The following ELAVL2 variants were observed in gnomAD, a reference collection of about 807,000 sequenced individuals.
ELAVL2 encodes ELAV-like protein 2.
In ELAVL2, 4 loss-of-function variants were observed where a neutral mutation model predicts 34.6. The observed-to-expected ratio is 0.12, with a 90% CI of 0.06 to 0.26. The LOEUF is 0.26. ELAVL2 is among the 10% of genes least tolerant of loss of function. ELAVL2 has a pLI of 1.00. For missense variants in ELAVL2, 432 were observed against 442.8 expected (o/e 0.98, Z 0.22); for synonymous variants, 193 against 154.8 (o/e 1.25, Z -1.83).
At chr9:23,798,055 C>T (rs1353226472) in intron 1 of ELAVL2, among the ~76,000 whole-genome samples, 1 of 152,150 alleles carries the variant, frequency 6.6e-6, no homozygotes, top group Non-Finnish European at 1.5e-5. Flanking sequence ...GAAGGGAGAA[C>T]TCTGAATGCC....
At chr9:23,765,254 C>T (rs62541663) in intron 1 of ELAVL2, among the ~76,000 whole-genome samples, 93 of 152,200 alleles carry the variant, frequency 6.1e-4, no homozygotes, top group Non-Finnish European at 9.9e-4. Flanking sequence ...CTAATCTTTC[C>T]AAATTCATTT....
chr9:23,778,097 A>G (rs2058509340), intron 1 of ELAVL2, among the ~76,000 whole-genome samples: 1 of 152,232 alleles, frequency 6.6e-6, no homozygotes, highest in Non-Finnish European at 1.5e-5. Flanking sequence ...ATGGGAGTCA[A>G]AAGTCTACTT....
At chr9:23,778,855 C>T (rs996626318) in intron 1 of ELAVL2, among the ~76,000 whole-genome samples, 2 of 152,262 alleles carry the variant, frequency 1.3e-5, no homozygotes, top group Admixed American at 6.5e-5. Context: ...ACATTCAAAG[C>T]ACTCTAAATA....
rs77704342 is a variant in ELAVL2, at chr9:23,748,324, G to A, written c.229+13682C>T. On this transcript the variant is annotated intron_variant, in intron 2 of 6. Transcript: ENST00000397312. ...AAGTGCTCAGCAGAGAATGAAGTGA[G>A]GTAACGAGAAGTAGTCTGGGGATGT... 5.3e-3 allele frequency among the ~76,000 whole-genome samples: 802 copies of A among 152,268 alleles called. 15 individuals carry two copies. The East Asian group carries it at 0.064, about 12-fold the overall frequency.
intron 1 of ELAVL2, among the ~76,000 whole-genome samples, chr9:23,768,709 C>A (rs1213546780): frequency 6.6e-6 from 1 of 152,126 alleles, no homozygotes; most frequent in Non-Finnish European, 1.5e-5. Context: ...ACACTAACTA[C>A]AAAACCCTGG....
chr9:23,693,241 T>C (rs923839889), intron 6 of ELAVL2, among the ~76,000 whole-genome samples: 32 of 152,084 alleles, frequency 2.1e-4, no homozygotes, highest in African/African-American at 7.5e-4. Context: ...ACGAAACAAA[T>C]GATGGGTTTT....
chr9:23,797,518 G>A (rs758305248), intron 1 of ELAVL2, among the ~76,000 whole-genome samples: 45 of 152,232 alleles, frequency 3.0e-4, no homozygotes, highest in Non-Finnish European at 5.6e-4. Flanking sequence ...GGTAGCAGGA[G>A]GGGCATGGGT....
chr9:23,707,231 T>C (rs1315326356), intron 3 of ELAVL2, among the ~76,000 whole-genome samples: 2 of 152,242 alleles, frequency 1.3e-5, no homozygotes, highest in Non-Finnish European at 2.9e-5. Flanking sequence ...GGGATTGCTA[T>C]AAACTGATGA....
intron 3 of ELAVL2, among the ~76,000 whole-genome samples, chr9:23,724,114 C>T (rs2134198280): frequency 6.6e-6 from 1 of 152,280 alleles, no homozygotes; most frequent in African/African-American, 2.4e-5. Context: ...CCATGAGGGG[C>T]TATGATACCC....
At chr9:23,705,273 G>A (rs971335959) in intron 3 of ELAVL2, among the ~76,000 whole-genome samples, 2 of 152,064 alleles carry the variant, frequency 1.3e-5, no homozygotes, top group Non-Finnish European at 2.9e-5. Flanking sequence ...TCTCCCCTAG[G>A]TGGACAGGGA....
chr9:23,767,238 T>C (rs956134191), intron 1 of ELAVL2, among the ~76,000 whole-genome samples: 4 of 152,362 alleles, frequency 2.6e-5, no homozygotes, highest in African/African-American at 9.6e-5. Context: ...AATAATCCTT[T>C]ATGAATTTTA....
intron 5 of ELAVL2, among the ~76,000 whole-genome samples, chr9:23,694,287 T>G (rs181677027): frequency 6.7e-6 from 1 of 150,126 alleles, no homozygotes; most frequent in Admixed American, 6.7e-5. Context: ...AGAAAGTAAA[T>G]AGGGGTGGGG....
At chr9:23,751,214 C>CA (rs1267930068) in intron 2 of ELAVL2, among the ~76,000 whole-genome samples, 1 of 152,040 alleles carries the variant, frequency 6.6e-6, no homozygotes, top group African/African-American at 2.4e-5. Flanking sequence ...ATGTACAAAA[C>CA]AGAGTTCCAA....
At chr9:23,796,265 T>A (rs1277831191) in intron 1 of ELAVL2, among the ~76,000 whole-genome samples, 1 of 152,234 alleles carries the variant, frequency 6.6e-6, no homozygotes, top group African/African-American at 2.4e-5. Context: ...TTTACAAATG[T>A]GGAAGCTTAT....
At chr9:23,820,725 C>A (rs2064476378) in intron 1 of ELAVL2, among the ~76,000 whole-genome samples, 1 of 152,226 alleles carries the variant, frequency 6.6e-6, no homozygotes, top group Non-Finnish European at 1.5e-5. Context: ...CACCAGTGCA[C>A]GCACACTAGT....
In ELAVL2 at chr9:23,742,108, A is replaced by G. The variant is rs796979815; in HGVS notation, c.230-10983T>C. Among the ~76,000 whole-genome samples, 12 of 152,258 alleles carry G rather than the reference A, an allele frequency of 7.9e-5. 1 individual carries two copies. The highest frequency in any genetic ancestry group is 2.9e-4 in the African/African-American group (12 of 41,564). ...CATAATACCCAGAGATTAATACAAC[A>G]CACCAACTCAGCAGCCTTGAAAGTA... On this transcript the variant is annotated intron_variant, in intron 2 of 6. Transcript: ENST00000397312.
intron 3 of ELAVL2, among the ~76,000 whole-genome samples, chr9:23,725,169 G>T (rs1284025591): frequency 6.6e-6 from 1 of 152,058 alleles, no homozygotes; most frequent in Non-Finnish European, 1.5e-5. Context: ...AAATACTCAA[G>T]GTCAATCCCA....
chr9:23,806,016 T>C (rs1314605762), intron 1 of ELAVL2, among the ~76,000 whole-genome samples: 1 of 152,124 alleles, frequency 6.6e-6, no homozygotes, highest in Non-Finnish European at 1.5e-5. Context: ...TGCAAACAGA[T>C]ACCATAAATT....
chr9:23,735,877 G>T (rs1396631868), intron 2 of ELAVL2, among the ~76,000 whole-genome samples: 1 of 152,130 alleles, frequency 6.6e-6, no homozygotes, highest in African/African-American at 2.4e-5. Flanking sequence ...GCAGGGTTCA[G>T]AGCAAGGAGA....
Sources: allele counts gnomAD v4.1 joint callset (sites outside exome capture counted in the v4.1 genomes callset), GRCh38; gene constraint gnomAD v4.1.1; transcripts MANE v1.5; gene names NCBI Gene and HGNC (gene_info 2026-07-23, HGNC 2026-07-21).